The following EPM2A variants were observed in gnomAD, a reference collection of about 807,000 sequenced individuals.
The protein encoded by EPM2A is laforin.
A neutral mutation model predicts 26.5 loss-of-function variants in EPM2A; 21 were observed. The ratio of observed to expected loss-of-function variants is 0.79; its 90% confidence interval spans 0.56 to 1.14. EPM2A has a LOEUF of 1.14. Among genes scored for constraint, EPM2A ranks in the 50% most tolerant of loss-of-function variants. The probability of loss-of-function intolerance (pLI) is 0.00; values close to 1 mark genes in which losing one functional copy is unlikely to be tolerated. For synonymous variants in EPM2A, 217 were observed against 177.6 expected (o/e 1.22, Z -1.76); for missense variants, 458 against 440.8 (o/e 1.04, Z -0.35).
intron 4 of EPM2A, among the ~76,000 whole-genome samples, chr6:145,465,179 T>C (rs1470183048): frequency 6.6e-6 from 1 of 152,064 alleles, no homozygotes; most frequent in Non-Finnish European, 1.5e-5. Flanking sequence ...CATTTCTTTT[T>C]ATTCTTTTTT....
At chr6:145,637,411 T>G (rs1168549649) in intron 2 of EPM2A, 1 of 152,134 alleles carries the variant, frequency 6.6e-6, no homozygotes, top group South Asian at 2.1e-4. Flanking sequence ...AATTATCTCA[T>G]AAGATCTGGC....
chr6:145,557,377 C>T (rs767461469), intron 2 of EPM2A, among the ~76,000 whole-genome samples: 6 of 151,896 alleles, frequency 4.0e-5, no homozygotes, highest in Non-Finnish European at 8.8e-5. Flanking sequence ...TAAAACTCTT[C>T]TTGTACCCCC....
At chr6:145,512,452 C>G (rs113394804) in intron 2 of EPM2A, among the ~76,000 whole-genome samples, 29 of 151,956 alleles carry the variant, frequency 1.9e-4, no homozygotes, top group Non-Finnish European at 3.8e-4. Flanking sequence ...TGGTGGCTCA[C>G]GTCTGTAATC....
At chr6:145,683,375 A>G (rs1348637178) in intron 2 of EPM2A, among the ~76,000 whole-genome samples, 1 of 148,680 alleles carries the variant, frequency 6.7e-6, no homozygotes, top group Middle Eastern at 3.5e-3. Context: ...TATTATTTTA[A>G]TATATAAAGT....
intron 4 of EPM2A, among the ~76,000 whole-genome samples, chr6:145,387,685 A>G (rs963686512): frequency 6.6e-6 from 1 of 152,170 alleles, no homozygotes; most frequent in Non-Finnish European, 1.5e-5. Flanking sequence ...TAGTAACAGC[A>G]GGGAAAAAAA....
chr6:145,584,467 G>A (rs948406791), intron 2 of EPM2A, among the ~76,000 whole-genome samples: 4 of 152,160 alleles, frequency 2.6e-5, no homozygotes, highest in African/African-American at 7.2e-5. Flanking sequence ...ACGCCACATA[G>A]GGGAGTTTGG....
At chr6:145,598,874 A>T (rs1315040067) in intron 2 of EPM2A, among the ~76,000 whole-genome samples, 1 of 152,096 alleles carries the variant, frequency 6.6e-6, no homozygotes, top group African/African-American at 2.4e-5. Context: ...TCCTTTCCCC[A>T]TTGCTTGTTT....
At chr6:145,641,173 C>A (rs1430348530) in intron 2 of EPM2A, 1 of 152,080 alleles carries the variant, frequency 6.6e-6, no homozygotes, top group African/African-American at 2.4e-5. Flanking sequence ...ATTATGTTGA[C>A]TTGTGTCCCC....
chr6:145,674,208 A>C (rs1220706922), intron 2 of EPM2A, among the ~76,000 whole-genome samples: 6 of 152,184 alleles, frequency 3.9e-5, no homozygotes, highest in Admixed American at 3.9e-4. Flanking sequence ...GAGGGACCTA[A>C]CTGTTAGAAG....
rs1434428006 is a variant in EPM2A, at chr6:145,451,095, C to T, written c.555+51427G>A. Among the ~76,000 whole-genome samples the T allele has an allele frequency of 5.3e-5, 8 of 152,096 alleles. No individual in the cohort carries two copies. The South Asian group carries it at 1.2e-3, about 24-fold the overall frequency. On this transcript the variant is annotated intron_variant, in intron 4 of 4. Transcript: ENST00000638717. Reference sequence around the variant, plus strand: ...CTGGTAGTACTTGTTGTCAATGATACGGTTTAAGCTTTTAAGTGAAATTTA... The same window carrying T: ...CTGGTAGTACTTGTTGTCAATGATATGGTTTAAGCTTTTAAGTGAAATTTA...
intron 2 of EPM2A, among the ~76,000 whole-genome samples, chr6:145,574,196 T>A (rs1780998162): frequency 6.6e-6 from 1 of 152,104 alleles, no homozygotes; most frequent in South Asian, 2.1e-4. Flanking sequence ...TTCAAATTAC[T>A]CTCTTGTCCA....
At chr6:145,534,188 C>T (rs1050815307) in intron 2 of EPM2A, among the ~76,000 whole-genome samples, 1 of 152,156 alleles carries the variant, frequency 6.6e-6, no homozygotes, top group Non-Finnish European at 1.5e-5. Flanking sequence ...GAGTAGTCAT[C>T]TGTTAATGGT....
At chr6:145,486,184 CA>C (rs1293068604) in intron 4 of EPM2A, among the ~76,000 whole-genome samples, 4 of 152,140 alleles carry the variant, frequency 2.6e-5, no homozygotes, top group African/African-American at 9.7e-5. Context: ...GGGGTTGCCC[CA>C]AAAGGTAAAG....
rs1486357457 is a variant in EPM2A, at chr6:145,568,656, C to T, written c.341-66081G>A. Among the ~76,000 whole-genome samples, 7 of 152,192 alleles carry T rather than the reference C, an allele frequency of 4.6e-5. No individual in the cohort carries two copies. In the East Asian group the frequency reaches 1.4e-3, roughly 30 times the overall value. On this transcript the variant is annotated intron_variant, in intron 2 of 3. Coordinates refer to the EPM2A transcript ENST00000450221. ...GTGACTTCTAATCCAGTGCAAAGTG[C>T]TTTGTTAAGAGCATGCCAAGAACTG...
chr6:145,491,695 G>A (rs1024025263), intron 4 of EPM2A: 6 of 452,156 alleles, frequency 1.3e-5, no homozygotes, highest in Non-Finnish European at 2.2e-5. Flanking sequence ...GACCCTTGCC[G>A]GGGACCTGTC....
At chr6:145,573,166 G>C (rs1487855588) in intron 2 of EPM2A, among the ~76,000 whole-genome samples, 1 of 152,202 alleles carries the variant, frequency 6.6e-6, no homozygotes, top group Non-Finnish European at 1.5e-5. Flanking sequence ...TGTCATCAAT[G>C]TTATGGACCA....
intron 4 of EPM2A, among the ~76,000 whole-genome samples, chr6:145,495,137 C>G (rs1033088542): frequency 6.6e-6 from 1 of 152,146 alleles, no homozygotes; most frequent in Non-Finnish European, 1.5e-5. Flanking sequence ...TTGGAGGCCT[C>G]TAAAAACTTG....
At position 145,617,764 on chromosome 6, in the gene EPM2A, C is replaced by A. The variant is rs371717100; in HGVS notation, c.340+17481G>T. On this transcript the variant is annotated intron_variant, in intron 2 of 3. Transcript: ENST00000450221. ...GACCAGCCTGGGTGACATAGTGAGA[C>A]CCCCATCTTTAGAACAAACTTTTAA... Among the ~76,000 whole-genome samples, 9 of 152,064 alleles carry A rather than the reference C, an allele frequency of 5.9e-5. No individual in the cohort carries two copies. The East Asian group carries it at 1.7e-3, about 30-fold the overall frequency.
chr6:145,481,127 G>A (rs899978803), intron 4 of EPM2A, among the ~76,000 whole-genome samples: 3 of 152,056 alleles, frequency 2.0e-5, no homozygotes, highest in African/African-American at 7.2e-5. Context: ...CCAATGGATG[G>A]TAGCACCAGA....
Sources: allele counts gnomAD v4.1 joint callset (sites outside exome capture counted in the v4.1 genomes callset), GRCh38; gene constraint gnomAD v4.1.1; transcripts MANE v1.5; gene names NCBI Gene and HGNC (gene_info 2026-07-23, HGNC 2026-07-21).